Variants in EPAS1 observed in about 807,000 individuals in gnomAD.
EPAS1 encodes the protein endothelial PAS domain-containing protein 1.
Under a neutral mutation model 87.9 loss-of-function variants are expected in EPAS1, and 23 were observed. The ratio of observed to expected loss-of-function variants is 0.26; its 90% CI spans 0.19 to 0.37. The LOEUF (loss-of-function observed/expected upper bound fraction) is 0.37. Among genes scored for constraint, EPAS1 ranks in the 10% least tolerant of loss-of-function variants. The pLI, the probability that EPAS1 is intolerant of heterozygous loss-of-function variation, is 1.00. For missense variants in EPAS1, 1,138 were observed against 1,120.7 expected (o/e 1.02, Z -0.22); for synonymous variants, 508 against 444.3 (o/e 1.14, Z -1.80).
chr2:46,378,740 A>G lies in EPAS1; in HGVS notation c.1527A>G (p.Thr509=). The part of the protein sequence containing the change: ...EVIEKLFAMD[T]EAKDQCSTQT... ...TTGAGAAGCTCTTCGCCATGGACAC[A>G]GAGGCCAAGGACCAATGCAGTACCC... The change falls in exon 11 of 16, where the codon ACA becomes ACG. Residue 509 remains threonine (T), a synonymous_variant. Coordinates refer to ENST00000263734, the MANE Select transcript of EPAS1 (RefSeq NM_001430.5). 1.2e-6 allele frequency: 2 copies of G among 1,614,188 alleles called. No homozygotes were observed. Among genetic ancestry groups the G allele is most frequent in the Non-Finnish European group, 1.7e-6 (2 of 1,179,984 alleles).
intron 2 of EPAS1, among the ~76,000 whole-genome samples, chr2:46,348,835 G>A (rs1210757269): frequency 1.3e-5 from 2 of 152,206 alleles, no homozygotes; most frequent in South Asian, 2.1e-4. Flanking sequence ...TCCTTTGAAT[G>A]TTGTGTTGGA....
chr2:46,342,500 T>G (rs1318136910), intron 1 of EPAS1, among the ~76,000 whole-genome samples: 3 of 152,208 alleles, frequency 2.0e-5, no homozygotes, highest in Non-Finnish European at 4.4e-5. Context: ...CCATTTAACC[T>G]TATAGGGTAA....
intron 2 of EPAS1, among the ~76,000 whole-genome samples, chr2:46,353,343 C>G (rs72797411): frequency 0.03 from 4,601 of 152,344 alleles, 95 homozygotes; most frequent in Non-Finnish European, 0.047. Flanking sequence ...ATTCTCAGTT[C>G]TACTGAACCA....
intron 1 of EPAS1, among the ~76,000 whole-genome samples, chr2:46,319,542 GA>G (rs144977991): frequency 1.3e-5 from 2 of 152,230 alleles, no homozygotes; most frequent in Admixed American, 6.5e-5. Context: ...TAGTTTAGCT[GA>G]AAAAGGTGCT....
intron 15 of EPAS1, 41 bp downstream of exon 15, chr2:46,382,639 G>A (rs754769025): frequency 1.9e-5 from 31 of 1,612,078 alleles, no homozygotes; most frequent in South Asian, 3.3e-5. Context: ...CCCAGGATTC[G>A]ATGCCAGGGG....
At chr2:46,301,971 C>T (rs1683009709) in intron 1 of EPAS1, among the ~76,000 whole-genome samples, 3 of 152,138 alleles carry the variant, frequency 2.0e-5, no homozygotes, top group Admixed American at 2.0e-4. Context: ...AAGGACCGCT[C>T]CTCAGTGGAG....
chr2:46,323,268 T>G (rs1158869534), intron 1 of EPAS1, among the ~76,000 whole-genome samples: 1 of 152,236 alleles, frequency 6.6e-6, no homozygotes, highest in East Asian at 1.9e-4. Context: ...CTAAAAATAG[T>G]TATTCTACTC....
intron 7 of EPAS1, among the ~76,000 whole-genome samples, chr2:46,373,874 G>C (rs1219270567): frequency 6.6e-6 from 1 of 152,214 alleles, no homozygotes; most frequent in South Asian, 2.1e-4. Context: ...TTTCCACTGA[G>C]GTGGTCTTTC....
intron 1 of EPAS1, among the ~76,000 whole-genome samples, chr2:46,330,757 C>T (rs1683658202): frequency 6.6e-6 from 1 of 152,204 alleles, no homozygotes; most frequent in Non-Finnish European, 1.5e-5. Context: ...GAGGGATGGT[C>T]CCAAGCATTG....
At chr2:46,350,484 C>T (rs1015460257) in intron 2 of EPAS1, among the ~76,000 whole-genome samples, 1 of 152,168 alleles carries the variant, frequency 6.6e-6, no homozygotes, top group African/African-American at 2.4e-5. Context: ...GGCTGTGGGT[C>T]TGGGCTGCCG....
rs118020995 is a variant in EPAS1, at chr2:46,367,461, G to C, written c.780-2366G>C. On this transcript the variant is annotated intron_variant, in intron 6 of 15. Transcript: ENST00000263734. ...CAGTTCTAGTTCCCAGGCTAAGCTT[G>C]AAAGTCATCCGACCCAGCAGCGAAG... Among the ~76,000 whole-genome samples, 256 of 152,342 alleles carry C rather than the reference G, an allele frequency of 1.7e-3. 5 individuals are homozygous for C. In the East Asian group the frequency reaches 0.043, roughly 26 times the overall value.
Position 46,380,851 on chromosome 2 carries a change from T to C in EPAS1, c.2045+134T>C. On this transcript the variant is annotated intron_variant, in intron 12 of 15. Coordinates refer to ENST00000263734, the MANE Select transcript of EPAS1 (RefSeq NM_001430.5). The surrounding 1 kb of genome is among the most constrained non-coding windows in gnomAD (Gnocchi z 4.4). ...TACCCCATTTAGCCCTTCTCTGAGC[T>C]CAGACTTTGGGGAATCACCTCAAGC... 1 of 1,490,444 alleles carries C rather than the reference T, an allele frequency of 6.7e-7. No homozygotes were observed. Among genetic ancestry groups the C allele is most frequent in the Non-Finnish European group, 9.1e-7 (1 of 1,093,294 alleles). The allele number at this position is 1,490,444 out of a possible 1,614,324, so 92.3% of individuals were successfully genotyped here.
intron 1 of EPAS1, among the ~76,000 whole-genome samples, chr2:46,326,191 C>T (rs1683560880): frequency 6.6e-6 from 1 of 152,188 alleles, no homozygotes; most frequent in Non-Finnish European, 1.5e-5. Context: ...GTTGCTGACT[C>T]TCCCACCAGC....
intron 1 of EPAS1, among the ~76,000 whole-genome samples, chr2:46,323,385 G>A (rs952994889): frequency 4.6e-5 from 7 of 152,170 alleles, no homozygotes; most frequent in Non-Finnish European, 8.8e-5. Context: ...CACCTGATGA[G>A]GTCTTTTAAC....
rs1386057595 is a variant in EPAS1, at chr2:46,371,031, GGCACTAAAT to G, written c.886+1105_886+1113del. Among the ~76,000 whole-genome samples the G allele has an allele frequency of 1.3e-5, 2 of 152,154 alleles. No homozygotes were observed. The highest frequency in any genetic ancestry group is 2.9e-5 in the Non-Finnish European group (2 of 68,032). Reference sequence around the variant, plus strand: ...CTAGCATAGCGTCTGGTACAGAACAGGCACTAAATGCACTATATAAACCGATGGGCAAGA... The same window carrying G: ...CTAGCATAGCGTCTGGTACAGAACAGGCACTATATAAACCGATGGGCAAGA... On this transcript the variant is annotated intron_variant, in intron 7 of 15. Coordinates refer to ENST00000263734, the MANE Select transcript of EPAS1 (RefSeq NM_001430.5). The surrounding 1 kb of genome is among the most constrained non-coding windows in gnomAD (Gnocchi z 4.3).
chr2:46,301,041 G>T (rs1682985458), intron 1 of EPAS1, among the ~76,000 whole-genome samples: 1 of 152,216 alleles, frequency 6.6e-6, no homozygotes, highest in Non-Finnish European at 1.5e-5. Context: ...AGCGCAGGAT[G>T]ATACAGAATT....
intron 4 of EPAS1, among the ~76,000 whole-genome samples, chr2:46,359,057 G>A (rs147595591): frequency 0.011 from 1,646 of 151,884 alleles, 37 homozygotes; most frequent in African/African-American, 0.037. Context: ...TCAAGAGATC[G>A]AGACCATCCT....
At chr2:46,383,619 T>C (rs188117636) in intron 15 of EPAS1, among the ~76,000 whole-genome samples, 13 of 152,288 alleles carry the variant, frequency 8.5e-5, no homozygotes, top group Non-Finnish European at 1.6e-4. Flanking sequence ...CAGTAAGAGG[T>C]AGCCAGCACT....
In EPAS1 at chr2:46,380,859, T is replaced by C. The variant is rs1365484054; in HGVS notation, c.2045+142T>C. 18 of 1,431,504 alleles carry C rather than the reference T, an allele frequency of 1.3e-5. No individual in the cohort carries two copies. The highest frequency in any genetic ancestry group is 1.5e-5 in the Non-Finnish European group (16 of 1,044,060). The allele number at this position is 1,431,504 out of a possible 1,614,324, so 88.7% of individuals were successfully genotyped here. On this transcript the variant is annotated intron_variant, in intron 12 of 15. Transcript: ENST00000263734. This position sits in a 1 kb window ranked among gnomAD's most constrained non-coding sequence, Gnocchi z 4.4. The stretch of plus-strand genomic sequence containing the variant: ...TTAGCCCTTCTCTGAGCTCAGACTT[T>C]GGGGAATCACCTCAAGCCATGTGAG...
Sources: gnomAD v4.1 joint callset for allele counts (sites outside exome capture counted in the v4.1 genomes callset) on GRCh38, gnomAD v4.1.1 for gene constraint, Gnocchi (gnomAD v3.1) non-coding constraint, MANE v1.5 for transcripts, NCBI Gene and HGNC (gene_info 2026-07-23, HGNC 2026-07-21) for gene names.